The following METTL2A variants were observed in gnomAD, a reference collection of about 807,000 sequenced individuals.
METTL2A encodes methyltransferase 2A, tRNA N3-cytidine.
Under a neutral mutation model 49.4 loss-of-function variants are expected in METTL2A, and 45 were observed. The ratio of observed to expected loss-of-function variants is 0.91; its 90% CI spans 0.72 to 1.17. METTL2A has a LOEUF of 1.17. Ranked by LOEUF, METTL2A falls within the 50% of genes most tolerant of loss-of-function variation. The pLI is 0.00. For synonymous variants in METTL2A, 118 were observed against 167.5 expected, an observed-to-expected ratio of 0.70 and a Z score of 2.28; for missense variants, 361 against 462.2, an observed-to-expected ratio of 0.78 and a Z score of 2.01.
intron 2 of METTL2A, 23 bp from the exon 3 acceptor site, chr17:62,426,276 A>C: frequency 1.3e-6 from 2 of 1,539,174 alleles, no homozygotes; most frequent in Non-Finnish European, 1.8e-6. Context: ...TGGTTCTTAA[A>C]ATTTTTTCTT....
At chr17:62,430,469 T>C (rs2070657181) in intron 4 of METTL2A, among the ~76,000 whole-genome samples, 1 of 152,218 alleles carries the variant, frequency 6.6e-6, no homozygotes, top group African/African-American at 2.4e-5. Flanking sequence ...GTTTAAATTG[T>C]TGGGCATAGT....
intron 5 of METTL2A, among the ~76,000 whole-genome samples, chr17:62,439,310 TG>T (rs2070722286): frequency 6.6e-6 from 1 of 151,688 alleles, no homozygotes; most frequent in Non-Finnish European, 1.5e-5. Flanking sequence ...CTCACTATGT[TG>T]CCTAGCTGGT....
At chr17:62,438,800 G>A (rs1424540315) in intron 5 of METTL2A, among the ~76,000 whole-genome samples, 3 of 151,900 alleles carry the variant, frequency 2.0e-5, no homozygotes, top group African/African-American at 7.3e-5. Context: ...TTCTAGTTGG[G>A]AGTTGTTTTA....
At position 62,451,909 on chromosome 17, in the gene METTL2A, A is replaced by G. The variant is rs1408080100; in HGVS notation, c.*3180A>G. On this transcript the variant is annotated 3_prime_UTR_variant, in exon 9 of 9. Transcript: ENST00000311506. ...CCGTCTCAAAAAAAAAAAAAAAAAA[A>G]ATTAGCTGGGCATGGTGGTGGGCGC... 6.8e-6 allele frequency among the ~76,000 whole-genome samples: 1 copy of G among 147,322 alleles called. No individual in the cohort carries two copies. The highest frequency in any genetic ancestry group is 2.6e-5 in the African/African-American group (1 of 38,718).
rs915736632 is a variant in METTL2A, at chr17:62,427,852, A to G, written c.608+15A>G. On this transcript the variant is annotated intron_variant, in intron 4 of 8. Coordinates refer to ENST00000311506, the MANE Select transcript of METTL2A (RefSeq NM_181725.4). ...CAAACGAACAAGTAAGTATGTTGTA[A>G]AAGTTTATGATAGCAAAGAAGATAA... 2.5e-5 allele frequency: 40 copies of G among 1,602,740 alleles called. 1 individual carries two copies. The Admixed American group carries it at 5.4e-4, about 22-fold the overall frequency.
rs531162229 is a variant in METTL2A at position 62,439,809 on chromosome 17, A to G, written c.670-808A>G. 2.0e-5 allele frequency among the ~76,000 whole-genome samples: 3 copies of G among 152,176 alleles called. No individual in the cohort carries two copies. In the South Asian group the frequency reaches 6.2e-4, roughly 32 times the overall value. On this transcript the variant is annotated intron_variant, in intron 5 of 8. Coordinates refer to ENST00000311506, the MANE Select transcript of METTL2A (RefSeq NM_181725.4). The stretch of plus-strand genomic sequence containing the variant: ...CACTCATTTTCATGATCGTTTTCCA[A>G]TTCTTAGATCTGACTTCATGCATGA...
At chr17:62,448,462 T>C (rs866477131) in intron 8 of METTL2A, 113 bp from the exon 9 acceptor site, 8 of 1,507,196 alleles carry the variant, frequency 5.3e-6, no homozygotes, top group Middle Eastern at 2.2e-4. Context: ...CAAATGGCCA[T>C]GTAAAAAACA....
intron 4 of METTL2A, among the ~76,000 whole-genome samples, chr17:62,433,911 A>G (rs2070683034): frequency 6.6e-6 from 1 of 152,018 alleles, no homozygotes; most frequent in Non-Finnish European, 1.5e-5. Context: ...AAAATACAAA[A>G]ATTAGCTGGG....
At chr17:62,439,328 C>T (rs1275038221) in intron 5 of METTL2A, among the ~76,000 whole-genome samples, 2 of 152,232 alleles carry the variant, frequency 1.3e-5, no homozygotes, top group East Asian at 1.9e-4. Context: ...TGGTCTCAAA[C>T]TCCTGGGCTC....
chr17:62,443,342 C>T (rs963794534), intron 6 of METTL2A, among the ~76,000 whole-genome samples: 3 of 152,176 alleles, frequency 2.0e-5, no homozygotes, highest in African/African-American at 4.8e-5. Context: ...CACACCACTG[C>T]ACTGCAGCCT....
At chr17:62,425,350 T>C (rs2070616325) in intron 2 of METTL2A, among the ~76,000 whole-genome samples, 1 of 147,858 alleles carries the variant, frequency 6.8e-6, no homozygotes, top group African/African-American at 2.5e-5. Flanking sequence ...GGGACTGTCA[T>C]GATCACCTTA....
chr17:62,434,982 G>A (rs1453418973), intron 4 of METTL2A: 6 of 491,624 alleles, frequency 1.2e-5, no homozygotes, highest in Non-Finnish European at 2.2e-5. Context: ...GGTGGAAAAA[G>A]AGAAGACATT....
chr17:62,427,590 C>T (rs201469976), intron 3 of METTL2A, among the ~76,000 whole-genome samples, 198 bp from the exon 4 acceptor site: 4 of 152,310 alleles, frequency 2.6e-5, no homozygotes, highest in East Asian at 1.9e-4. Context: ...AATAAAAACC[C>T]GTGCTCTTGT....
chr17:62,427,729 T>C (rs986891785), intron 3 of METTL2A, 59 bp from the exon 4 acceptor site: 1 of 1,609,826 alleles, frequency 6.2e-7, no homozygotes, highest in African/African-American at 1.3e-5. Flanking sequence ...CTAGCTTTTC[T>C]AGCTTTAGGG....
intron 7 of METTL2A, 31 bp from the exon 8 acceptor site, chr17:62,447,670 T>C (rs2070778107): frequency 6.2e-7 from 1 of 1,612,442 alleles, no homozygotes; most frequent in East Asian, 2.2e-5. Context: ...TGCTTTTAAG[T>C]GTCTCTGATT....
intron 7 of METTL2A, among the ~76,000 whole-genome samples, chr17:62,447,248 G>C (rs1598038378): frequency 6.6e-6 from 1 of 152,056 alleles, no homozygotes; most frequent in Non-Finnish European, 1.5e-5. Flanking sequence ...GTGAAACCCT[G>C]ACTCTACTAA....
chr17:62,425,418 C>CTT (rs2070617325), intron 2 of METTL2A, among the ~76,000 whole-genome samples: 1 of 100,426 alleles, frequency 1.0e-5, no homozygotes. Context: ...GATGGAGTCT[C>CTT]GCTCTGTCAC....
At chr17:62,445,829 TAATTTTA>T (rs2070764732) in intron 7 of METTL2A, among the ~76,000 whole-genome samples, 2 of 151,838 alleles carry the variant, frequency 1.3e-5, no homozygotes, top group African/African-American at 4.8e-5. Context: ...AAGACATAAA[TAATTTTA>T]AATGTGGCAT....
At chr17:62,444,555 C>T (rs1473618684) in intron 6 of METTL2A, among the ~76,000 whole-genome samples, 1 of 152,220 alleles carries the variant, frequency 6.6e-6, no homozygotes, top group Non-Finnish European at 1.5e-5. Flanking sequence ...GCTGGTATTA[C>T]AAGCATGAGC....
Sources: allele counts gnomAD v4.1 joint callset (sites outside exome capture counted in the v4.1 genomes callset), GRCh38; gene constraint gnomAD v4.1.1; transcripts MANE v1.5; gene names NCBI Gene and HGNC (gene_info 2026-07-23, HGNC 2026-07-21).